BAZ1A: variants seen among roughly 807,000 people sequenced by gnomAD.
BAZ1A encodes the protein bromodomain adjacent to zinc finger domain protein 1A.
In BAZ1A, 50 loss-of-function variants were observed where a neutral mutation model predicts 185.2. The ratio of observed to expected loss-of-function variants is 0.27; its 90% confidence interval spans 0.22 to 0.34. The LOEUF is 0.34. Ranked by LOEUF, BAZ1A falls within the 10% of genes least tolerant of loss-of-function variation. The pLI, the probability that BAZ1A is intolerant of heterozygous loss-of-function variation, is 1.00. For missense variants in BAZ1A, 1,356 were observed against 1,839.9 expected, an observed-to-expected ratio of 0.74 and a Z score of 4.81; for synonymous variants, 571 against 615.6, an observed-to-expected ratio of 0.93 and a Z score of 1.07.
chr14:34,783,261 T>C, intron 15 of BAZ1A, 29 bp from the exon 16 acceptor site: 2 of 1,331,496 alleles, frequency 1.5e-6, no homozygotes. Context: ...TATGGTAGTC[T>C]ATCTGATGCA....
Position 34,764,938 on chromosome 14 carries a change from A to G in BAZ1A, c.3550-5T>C. 1 of 1,614,088 alleles carries G rather than the reference A, an allele frequency of 6.2e-7. No individual in the cohort carries two copies. Among genetic ancestry groups the G allele is most frequent in the East Asian group, 2.2e-5 (1 of 44,882 alleles). On this transcript the variant is annotated splice_region_variant and splice_polypyrimidine_tract_variant and intron_variant, in intron 22 of 26. Coordinates refer to ENST00000360310, the MANE Select transcript of BAZ1A (RefSeq NM_013448.3). ...CCAGTCTCCTTCAGGCACAGTCTGA[A>G]AAAATCACATAAATGATCATTAATC...
intron 3 of BAZ1A, among the ~76,000 whole-genome samples, chr14:34,859,292 G>T (rs2042731732): frequency 6.6e-6 from 1 of 151,984 alleles, no homozygotes; most frequent in Admixed American, 6.6e-5. Flanking sequence ...AAATCAGCCA[G>T]GTGTGGTGGC....
At chr14:34,774,279 T>C (rs754952924) in intron 19 of BAZ1A, 48 bp downstream of exon 19, 1 of 1,527,810 alleles carries the variant, frequency 6.5e-7, no homozygotes, top group Non-Finnish European at 8.8e-7. Flanking sequence ...TGACCAAAAT[T>C]CTGGACCAAG....
chr14:34,859,119 T>A (rs34072166), intron 3 of BAZ1A, among the ~76,000 whole-genome samples: 33,231 of 152,076 alleles, frequency 0.22, 4,021 homozygotes, highest in Non-Finnish European at 0.26. Context: ...TATTTCACAC[T>A]TCATAGGACA....
rs186733380 is a variant in BAZ1A, at chr14:34,807,974, G to A, written c.639-436C>T. On this transcript the variant is annotated intron_variant, in intron 5 of 26. Transcript: ENST00000360310. ...CAAAAAATTAGCAGGGTGTGGTGGC[G>A]CGTGCCTGTAGTCCCAGCTACTCGG... 5.6e-3 allele frequency among the ~76,000 whole-genome samples: 852 copies of A among 151,954 alleles called. 7 individuals carry two copies. Among genetic ancestry groups the A allele is most frequent in the African/African-American group, 0.02 (814 of 41,444 alleles).
chr14:34,794,213 C>T (rs1476630388), intron 11 of BAZ1A, among the ~76,000 whole-genome samples: 1 of 152,118 alleles, frequency 6.6e-6, no homozygotes, highest in Admixed American at 6.5e-5. Context: ...TACCATGTGA[C>T]AGCCAAAAAT....
intron 3 of BAZ1A, among the ~76,000 whole-genome samples, chr14:34,839,788 C>T (rs1264376418): frequency 1.4e-5 from 2 of 143,656 alleles, no homozygotes; most frequent in South Asian, 2.2e-4. Context: ...TGCAGTGAGC[C>T]CAGATCGTGC....
At chr14:34,853,472 T>C in intron 3 of BAZ1A, among the ~76,000 whole-genome samples, 1 of 152,196 alleles carries the variant, frequency 6.6e-6, no homozygotes, top group East Asian at 1.9e-4. Context: ...ACCTAAGCTA[T>C]ACTTGTAAAG....
chr14:34,863,849 A>ATTC (rs1555345832), intron 2 of BAZ1A, among the ~76,000 whole-genome samples: 3 of 151,354 alleles, frequency 2.0e-5, no homozygotes, highest in Non-Finnish European at 4.4e-5. Flanking sequence ...TATTGTTTGA[A>ATTC]TTTTTTTTCT....
intron 2 of BAZ1A, among the ~76,000 whole-genome samples, chr14:34,865,874 T>TG (rs2042850024): frequency 6.6e-6 from 1 of 152,090 alleles, no homozygotes; most frequent in Non-Finnish European, 1.5e-5. Flanking sequence ...TAGAACTTTT[T>TG]TGGGGGGAAG....
intron 9 of BAZ1A, among the ~76,000 whole-genome samples, chr14:34,796,165 T>TACATAC (rs112744981): frequency 1.4e-4 from 21 of 146,608 alleles, no homozygotes; most frequent in South Asian, 8.7e-4. Flanking sequence ...TACATATACA[T>TACATAC]ACACACACAC....
chr14:34,789,759 C>CCT (rs1880720152), intron 12 of BAZ1A, among the ~76,000 whole-genome samples: 7 of 152,072 alleles, frequency 4.6e-5, no homozygotes, highest in Admixed American at 4.6e-4. Context: ...AGACCAAGGG[C>CCT]CAAAGAAATT....
intron 3 of BAZ1A, among the ~76,000 whole-genome samples, chr14:34,857,068 G>A (rs1392410807): frequency 7.5e-5 from 11 of 146,984 alleles, no homozygotes; most frequent in African/African-American, 2.3e-4. Flanking sequence ...GTGCAGTGGC[G>A]CAATCTCGGC....
At chr14:34,828,739 C>T (rs867262235) in intron 3 of BAZ1A, 1 of 152,206 alleles carries the variant, frequency 6.6e-6, no homozygotes. Flanking sequence ...AAAAGACATG[C>T]TCTTCAATAT....
chr14:34,764,626 A>T (rs1878696164), intron 23 of BAZ1A, 81 bp downstream of exon 23: 1 of 1,520,240 alleles, frequency 6.6e-7, no homozygotes, highest in South Asian at 1.2e-5. Flanking sequence ...ACAGACCCTA[A>T]CTATTCCATT....
In BAZ1A at chr14:34,777,775, T is replaced by C. The variant is rs185380584; in HGVS notation, c.2237-1260A>G. On this transcript the variant is annotated intron_variant, in intron 17 of 26. Transcript: ENST00000360310. ...GGGAGGCCGAGGTGGCTGGATCACT[T>C]GAGGCCAGGAGTTTGAAACCAGCCT... 1.3e-3 allele frequency among the ~76,000 whole-genome samples: 205 copies of C among 152,218 alleles called. 2 individuals carry two copies. The highest frequency in any genetic ancestry group is 4.3e-3 in the Admixed American group (65 of 15,290).
chr14:34,780,114 G>C, intron 17 of BAZ1A, 72 bp downstream of exon 17: 1 of 1,557,766 alleles, frequency 6.4e-7, no homozygotes, highest in Non-Finnish European at 8.7e-7. Context: ...TTTCAGAGGA[G>C]CTGAATTAAT....
At chr14:34,851,853 C>T (rs1168710508) in intron 3 of BAZ1A, among the ~76,000 whole-genome samples, 4 of 152,126 alleles carry the variant, frequency 2.6e-5, no homozygotes, top group Non-Finnish European at 5.9e-5. Context: ...ATAGGCCGGG[C>T]GTGGTGGCTC....
At chr14:34,769,897 A>G (rs1433944687) in intron 21 of BAZ1A, among the ~76,000 whole-genome samples, 1 of 152,248 alleles carries the variant, frequency 6.6e-6, no homozygotes, top group African/African-American at 2.4e-5. Context: ...AATAAAAGTG[A>G]CATAGCAAAT....
Sources: gnomAD v4.1 joint callset for allele counts (sites outside exome capture counted in the v4.1 genomes callset) on GRCh38, gnomAD v4.1.1 for gene constraint, MANE v1.5 for transcripts, NCBI Gene and HGNC (gene_info 2026-07-23, HGNC 2026-07-21) for gene names.